The following NKX2-4 variants were observed in gnomAD, a reference collection of about 807,000 sequenced individuals.
The protein encoded by NKX2-4 is NK2 homeobox 4.
A neutral mutation model predicts 8.6 loss-of-function variants in NKX2-4; 6 were observed. The observed-to-expected ratio is 0.70, with a 90% CI of 0.38 to 1.38. The LOEUF is 1.38. Among genes scored for constraint, NKX2-4 ranks in the 40% most tolerant of loss-of-function variants. NKX2-4 has a pLI of 0.02. For synonymous variants in NKX2-4, 299 were observed against 272.6 expected (o/e 1.10, Z -0.95); for missense variants, 601 against 548.4 (o/e 1.10, Z -0.96).
chr20:21,397,438 C>T lies in NKX2-4; in HGVS notation c.-39G>A, dbSNP rs781549683. On this transcript the variant is annotated 5_prime_UTR_variant, in exon 1 of 2. Transcript: ENST00000351817. ...GCCAGGTAGGGGGGCCTGGGGCGCGCGCCGGCAGGACGCGGCGGCCGCTCG... is the reference window on the plus strand; with the variant it reads ...GCCAGGTAGGGGGGCCTGGGGCGCGTGCCGGCAGGACGCGGCGGCCGCTCG... 4.7e-6 allele frequency: 6 copies of T among 1,286,220 alleles called. No individual in the cohort carries two copies. The East Asian group carries it at 1.9e-4, about 41-fold the overall frequency. 79.7% of individuals were successfully genotyped at this position (1,286,220 alleles called of 1,614,324 possible).
In NKX2-4 at chr20:21,396,260, T is replaced by G; in HGVS notation, c.716A>C (p.Asn239Thr). 1 of 1,606,390 alleles carries G rather than the reference T, an allele frequency of 6.2e-7. No homozygotes were observed. The highest frequency in any genetic ancestry group is 1.1e-5 in the South Asian group (1 of 90,214). ...CTGCCGTTTCATCTTGTACCGGTGG[T>G]TCTGGAACCAGATCTTGACCTGCGT... ...TPTQVKIWFQ[N>T]HRYKMKRQAK... Residue 239 changes from asparagine (N) to threonine (T), a missense_variant, in exon 2 of 2, where the codon AAC becomes ACC. Asn to Thr is a moderately conservative substitution (Grantham distance 65). Transcript: ENST00000351817.
chr20:21,396,471 T>C lies in NKX2-4; in HGVS notation c.505A>G (p.Ile169Val). The C allele has an allele frequency of 6.7e-7, 1 of 1,482,134 alleles. No individual in the cohort carries two copies. The highest frequency in any genetic ancestry group is 1.3e-5 in the South Asian group (1 of 75,504). 91.8% of individuals were successfully genotyped at this position (1,482,134 alleles called of 1,614,324 possible). The change falls in exon 2 of 2, where the codon ATC becomes GTC. Residue 169 changes from isoleucine (I) to valine (V), a missense_variant. Coordinates refer to ENST00000351817, the MANE Select transcript of NKX2-4 (RefSeq NM_033176.2). ...CCCAGCGACTTGGCGGCGTCCGCGATGCCGGTCAGCGACCCCATGCCGGCC... is the reference window on the plus strand; with the variant it reads ...CCCAGCGACTTGGCGGCGTCCGCGACGCCGGTCAGCGACCCCATGCCGGCC... ...NVAGMGSLTG[I>V]ADAAKSLGPL...
At position 21,397,453 on chromosome 20, in the gene NKX2-4, GCGGCCGCTCGTCGCCGCCACCT is replaced by G. The variant is rs2039039304; in HGVS notation, c.-76_-55del. 3.2e-6 allele frequency: 4 copies of G among 1,249,838 alleles called. No homozygotes were observed. The allele number at this position is 1,249,838 out of a possible 1,614,324, so 77.4% of individuals were successfully genotyped here. On this transcript the variant is annotated 5_prime_UTR_variant, in exon 1 of 2. Coordinates refer to ENST00000351817, the MANE Select transcript of NKX2-4 (RefSeq NM_033176.2). ...CTGGGGCGCGCGCCGGCAGGACGCGGCGGCCGCTCGTCGCCGCCACCTCGGCCGCGGCAGCTGAGCCTGTGAC... is the reference window on the plus strand; with the variant it reads ...CTGGGGCGCGCGCCGGCAGGACGCGGCGGCCGCGGCAGCTGAGCCTGTGAC...
At chr20:21,396,555 G>T (rs2039023686) in intron 1 of NKX2-4, 22 bp from the exon 2 acceptor site, 1 of 1,381,778 alleles carries the variant, frequency 7.2e-7, no homozygotes, top group Non-Finnish European at 9.3e-7. Flanking sequence ...TCCCAAGGGG[G>T]AAGGCGAGTG....
intron 1 of NKX2-4, 146 bp downstream of exon 1, chr20:21,396,812 C>T (rs2039028150): frequency 5.7e-6 from 4 of 697,394 alleles, no homozygotes; most frequent in South Asian, 6.7e-5. Flanking sequence ...CCGCGCGTCC[C>T]GGGCCGCGTC....
intron 1 of NKX2-4, 119 bp from the exon 2 acceptor site, chr20:21,396,652 A>G (rs1279296874): frequency 1.3e-5 from 11 of 828,344 alleles, no homozygotes; most frequent in South Asian, 9.1e-5. Flanking sequence ...GAATCCCAAG[A>G]CCCCCTGACC....
Position 21,397,292 on chromosome 20 carries a change from G to A in NKX2-4, c.108C>T (p.Pro36=). The A allele has an allele frequency of 4.6e-6, 6 of 1,300,414 alleles. No individual in the cohort carries two copies. The highest frequency in any genetic ancestry group is 5.8e-6 in the Non-Finnish European group (6 of 1,028,668). 80.6% of individuals were successfully genotyped at this position (1,300,414 alleles called of 1,614,324 possible). A position where few individuals can be genotyped will look rare whatever the true frequency, so the allele number is the denominator to read the frequency against. ...KFSGAMDGAP[P]GLGAPLGAAA... ...CGGCCCCCAGGGGCGCCCCCAGGCCGGGTGGCGCGCCGTCCATGGCGCCGC... is the reference window on the plus strand; with the variant it reads ...CGGCCCCCAGGGGCGCCCCCAGGCCAGGTGGCGCGCCGTCCATGGCGCCGC... The change falls in exon 1 of 2, where the codon CCC becomes CCT. Residue 36 remains proline (P), a synonymous_variant. Transcript: ENST00000351817.
chr20:21,396,774 C>A (rs934352051), intron 1 of NKX2-4, among the ~76,000 whole-genome samples, 184 bp downstream of exon 1: 7 of 150,596 alleles, frequency 4.6e-5, no homozygotes, highest in Non-Finnish European at 8.9e-5. Flanking sequence ...TCCCAGGACC[C>A]CCCGCGCGCC....
In NKX2-4 at chr20:21,397,416, A is replaced by C. The variant is rs2122403906; in HGVS notation, c.-17T>G. 2 of 1,327,594 alleles carry C rather than the reference A, an allele frequency of 1.5e-6. No individual in the cohort carries two copies. Among genetic ancestry groups the C allele is most frequent in the Non-Finnish European group, 1.9e-6 (2 of 1,039,540 alleles). 82.2% of individuals were successfully genotyped at this position (1,327,594 alleles called of 1,614,324 possible). A position where few individuals can be genotyped will look rare whatever the true frequency, so the allele number is the denominator to read the frequency against. On this transcript the variant is annotated 5_prime_UTR_variant, in exon 1 of 2. Coordinates refer to ENST00000351817, the MANE Select transcript of NKX2-4 (RefSeq NM_033176.2). ...CAACGACATGGCTCGGCGGGCAGCC[A>C]GGTAGGGGGGCCTGGGGCGCGCGCC...
At position 21,396,550 on chromosome 20, in the gene NKX2-4, A is replaced by C. The variant is rs755178877; in HGVS notation, c.443-17T>G. The C allele has an allele frequency of 2.2e-6, 3 of 1,389,000 alleles. No homozygotes were observed. The highest frequency in any genetic ancestry group is 3.1e-5 in the African/African-American group (2 of 65,084). The allele number at this position is 1,389,000 out of a possible 1,614,324, so 86.0% of individuals were successfully genotyped here. ...ACCTGGAGACTGGGGAAGAGTCCCAAGGGGGAAGGCGAGTGAGCTCCAGGC... is the reference window on the plus strand; with the variant it reads ...ACCTGGAGACTGGGGAAGAGTCCCACGGGGGAAGGCGAGTGAGCTCCAGGC... On this transcript the variant is annotated splice_polypyrimidine_tract_variant and intron_variant, in intron 1 of 1. Transcript: ENST00000351817.
Position 21,396,418 on chromosome 20 carries a change from G to T in NKX2-4, c.558C>A (p.Ala186=). The T allele has an allele frequency of 6.5e-7, 1 of 1,528,036 alleles. No individual in the cohort carries two copies. The highest frequency in any genetic ancestry group is 8.7e-7 in the Non-Finnish European group (1 of 1,145,098). The allele number at this position is 1,528,036 out of a possible 1,614,324, so 94.7% of individuals were successfully genotyped here. A position where few individuals can be genotyped will look rare whatever the true frequency, so the allele number is the denominator to read the frequency against. The change falls in exon 2 of 2, where the codon GCC becomes GCA. Residue 186 remains alanine, a synonymous_variant. Transcript: ENST00000351817. ...GCACGCGGCGCTTCCTTCGCGGAGC[G>T]GCTGCCGCCGCCGCCGCGTGCAGCG... is the stretch of plus-strand genomic sequence containing the variant. ...LGPLHAAAAA[A]APRRKRRVLF...
rs556722383 is a variant in NKX2-4 at position 21,396,862 on chromosome 20, T to C, written c.442+96A>G. Reference sequence around the variant, plus strand: ...GCGCCCGCTCGGCCCCAGGACCTCCTAAGCCGCGCGCACCCCGTCCCGCGC... The same window carrying C: ...GCGCCCGCTCGGCCCCAGGACCTCCCAAGCCGCGCGCACCCCGTCCCGCGC... On this transcript the variant is annotated intron_variant, in intron 1 of 1. Transcript: ENST00000351817. 3,727 of 1,130,506 alleles carry C rather than the reference T, an allele frequency of 3.3e-3. 104 individuals carry two copies. The African/African-American group carries it at 0.056, about 17-fold the overall frequency. 70.0% of individuals were successfully genotyped at this position (1,130,506 alleles called of 1,614,324 possible).
At chr20:21,396,857 C>T in intron 1 of NKX2-4, 101 bp downstream of exon 1, 1 of 1,081,620 alleles carries the variant, frequency 9.2e-7, no homozygotes, top group South Asian at 3.2e-5. Flanking sequence ...GGCCCCAGGA[C>T]CTCCTAAGCC....
In NKX2-4 at chr20:21,396,037, C is replaced by T. The variant is rs1307919739; in HGVS notation, c.939G>A (p.Glu313=). 13 of 1,263,618 alleles carry T rather than the reference C, an allele frequency of 1.0e-5. No individual in the cohort carries two copies. Among genetic ancestry groups the T allele is most frequent in the South Asian group, 1.0e-4 (3 of 29,444 alleles). The allele number at this position is 1,263,618 out of a possible 1,614,324, so 78.3% of individuals were successfully genotyped here. ...PPAPTPAPEL[E]ELSPSPPALH... is the part of the protein sequence containing the mutation. ...GCGCGGGTGGGCTGGGCGACAGCTC[C>T]TCCAGCTCAGGTGCTGGCGTCGGGG... is the stretch of plus-strand genomic sequence containing the variant. Residue 313 remains glutamate (E), a synonymous_variant, in exon 2 of 2, where the codon GAG becomes GAA. Coordinates refer to ENST00000351817, the MANE Select transcript of NKX2-4 (RefSeq NM_033176.2).
Position 21,396,443 on chromosome 20 carries a change from G to T in NKX2-4, c.533C>A (p.Pro178Gln), listed in dbSNP as rs958996815. 5 of 1,508,088 alleles carry T rather than the reference G, an allele frequency of 3.3e-6. No individual in the cohort carries two copies. The African/African-American group carries it at 4.4e-5, about 13-fold the overall frequency. The allele number at this position is 1,508,088 out of a possible 1,614,324, so 93.4% of individuals were successfully genotyped here. A position where few individuals can be genotyped will look rare whatever the true frequency, so the allele number is the denominator to read the frequency against. Reference sequence around the variant, plus strand: ...GGCTGCCGCCGCCGCCGCGTGCAGCGGGCCCAGCGACTTGGCGGCGTCCGC... The same window carrying T: ...GGCTGCCGCCGCCGCCGCGTGCAGCTGGCCCAGCGACTTGGCGGCGTCCGC... Reference protein sequence around the residue: ...GIADAAKSLGPLHAAAAAAAP... With the variant: ...GIADAAKSLGQLHAAAAAAAP... The change falls in exon 2 of 2, where the codon CCG (proline) becomes CAG (glutamine). Residue 178 changes from proline to glutamine, a missense_variant. Pro to Gln is a moderately conservative substitution (Grantham distance 76). Transcript: ENST00000351817.
chr20:21,396,468 C>A lies in NKX2-4; in HGVS notation c.508G>T (p.Ala170Ser). 6.7e-7 allele frequency: 1 copy of A among 1,482,738 alleles called. No individual in the cohort carries two copies. The highest frequency in any genetic ancestry group is 1.3e-5 in the South Asian group (1 of 75,760). 91.8% of individuals were successfully genotyped at this position (1,482,738 alleles called of 1,614,324 possible). The part of the protein sequence containing the change: ...VAGMGSLTGI[A>S]DAAKSLGPLH... ...GGGCCCAGCGACTTGGCGGCGTCCGCGATGCCGGTCAGCGACCCCATGCCG... is the reference window on the plus strand; with the variant it reads ...GGGCCCAGCGACTTGGCGGCGTCCGAGATGCCGGTCAGCGACCCCATGCCG... The change falls in exon 2 of 2, where the codon GCG (alanine) becomes TCG (serine). Residue 170 changes from alanine to serine, a missense_variant. Coordinates refer to ENST00000351817, the MANE Select transcript of NKX2-4 (RefSeq NM_033176.2).
Position 21,397,184 on chromosome 20 carries a change from C to T in NKX2-4, c.216G>A (p.Ala72=), listed in dbSNP as rs76085962. 2,360 of 1,257,962 alleles carry T rather than the reference C, an allele frequency of 1.9e-3. 74 individuals carry two copies. In the East Asian group the frequency reaches 0.07, roughly 37 times the overall value. The allele number at this position is 1,257,962 out of a possible 1,614,324, so 77.9% of individuals were successfully genotyped here. A position where few individuals can be genotyped will look rare whatever the true frequency, so the allele number is the denominator to read the frequency against. The part of the protein sequence containing the change: ...VAGMQPSHAM[A]GHNAAAAAAA... ...CCGCCGCGGCCGCCGCGTTGTGACC[C>T]GCCATGGCGTGAGAAGGCTGCATGC... Residue 72 remains alanine (A), a synonymous_variant, in exon 1 of 2, where the codon GCG becomes GCA. Transcript: ENST00000351817.
In NKX2-4 at chr20:21,396,975, T is replaced by C; in HGVS notation, c.425A>G (p.Asp142Gly). ...AATGWYGANP[D>G]PRYSSISRFM... The stretch of plus-strand genomic sequence containing the variant: ...CCTCTCACTTGACGAGTAGCGTGGG[T>C]CCGGGTTGGCGCCGTACCAGCCGGT... The change falls in exon 1 of 2, where the codon GAC (aspartate) becomes GGC (glycine). Residue 142 changes from aspartate (D) to glycine (G), a missense_variant. Transcript: ENST00000351817. 1 of 1,469,526 alleles carries C rather than the reference T, an allele frequency of 6.8e-7. No homozygotes were observed. The highest frequency in any genetic ancestry group is 9.0e-7 in the Non-Finnish European group (1 of 1,114,410). 91.0% of individuals were successfully genotyped at this position (1,469,526 alleles called of 1,614,324 possible). A position where few individuals can be genotyped will look rare whatever the true frequency, so the allele number is the denominator to read the frequency against.
At position 21,397,433 on chromosome 20, in the gene NKX2-4, GCGCGCGCCGGCAGGACGCGGCGGC is replaced by G. The variant is rs777150633; in HGVS notation, c.-58_-35del. On this transcript the variant is annotated 5_prime_UTR_variant, in exon 1 of 2. Coordinates refer to ENST00000351817, the MANE Select transcript of NKX2-4 (RefSeq NM_033176.2). ...GGGCAGCCAGGTAGGGGGGCCTGGGGCGCGCGCCGGCAGGACGCGGCGGCCGCTCGTCGCCGCCACCTCGGCCGC... is the reference window on the plus strand; with the variant it reads ...GGGCAGCCAGGTAGGGGGGCCTGGGGCGCTCGTCGCCGCCACCTCGGCCGC... 6 of 1,295,810 alleles carry G rather than the reference GCGCGCGCCGGCAGGACGCGGCGGC, an allele frequency of 4.6e-6. No homozygotes were observed. In the African/African-American group the frequency reaches 9.4e-5, roughly 20 times the overall value. 80.3% of individuals were successfully genotyped at this position (1,295,810 alleles called of 1,614,324 possible).
Sources: allele counts gnomAD v4.1 joint callset (sites outside exome capture counted in the v4.1 genomes callset), GRCh38; gene constraint gnomAD v4.1.1; transcripts MANE v1.5; gene names NCBI Gene and HGNC (gene_info 2026-07-23, HGNC 2026-07-21).